The following AGAP1 variants were observed in gnomAD, a reference collection of about 807,000 sequenced individuals.
The protein encoded by AGAP1 is arf-GAP with GTPase, ANK repeat and PH domain-containing protein 1.
AGAP1 carries 29 observed loss-of-function variants against 105.3 expected under a neutral mutation model. The ratio of observed to expected loss-of-function variants is 0.28; its 90% CI spans 0.21 to 0.38. The LOEUF (loss-of-function observed/expected upper bound fraction) is 0.38. Among genes scored for constraint, AGAP1 ranks in the 10% least tolerant of loss-of-function variants. AGAP1 has a pLI of 1.00. For missense variants in AGAP1, 998 were observed against 1,165.1 expected (o/e 0.86, Z 2.09); for synonymous variants, 509 against 485.9 (o/e 1.05, Z -0.63).
intron 12 of AGAP1, among the ~76,000 whole-genome samples, chr2:235,955,746 T>C (rs1191452489): frequency 6.6e-6 from 1 of 152,166 alleles, no homozygotes; most frequent in African/African-American, 2.4e-5. Flanking sequence ...ACCAACACAC[T>C]TTTTCTAACC....
chr2:236,073,296 A>G lies in AGAP1; in HGVS notation c.2114+24015A>G, dbSNP rs2058554524. ...AGATGTGAGCCACCGTGCCTGGCCT[A>G]TATTCTTCTTTTATTCTGAGCCTTT... On this transcript the variant is annotated intron_variant, in intron 16 of 17. Transcript: ENST00000304032. The surrounding 1 kb of genome is among the most constrained non-coding windows in gnomAD (Gnocchi z 5.4). 6.6e-6 allele frequency among the ~76,000 whole-genome samples: 1 copy of G among 152,050 alleles called. No homozygotes were observed. Among genetic ancestry groups the G allele is most frequent in the South Asian group, 2.1e-4 (1 of 4,832 alleles).
chr2:235,498,659 G>GA (rs1941428545), intron 1 of AGAP1, among the ~76,000 whole-genome samples: 1 of 152,194 alleles, frequency 6.6e-6, no homozygotes, highest in Admixed American at 6.5e-5. Flanking sequence ...TCGTAATTCA[G>GA]CTTGCCAGCA....
rs1057038265 is a variant in AGAP1, at chr2:236,014,211, G to C, written c.1646-22350G>C. ...CCGTAACTCCCCCGAGTGTCAAAGA[G>C]AATAGACTCCTCCCTCCAGGACAGC... On this transcript the variant is annotated intron_variant, in intron 13 of 17. Transcript: ENST00000304032. This position sits in a 1 kb window ranked among gnomAD's most constrained non-coding sequence, Gnocchi z 6.3. 2.6e-5 allele frequency among the ~76,000 whole-genome samples: 4 copies of C among 152,200 alleles called. No individual in the cohort carries two copies. The highest frequency in any genetic ancestry group is 5.9e-5 in the Non-Finnish European group (4 of 68,034).
Position 235,882,193 on chromosome 2 carries a change from G to T in AGAP1, c.1051-1152G>T, listed in dbSNP as rs772664922. 1.3e-5 allele frequency among the ~76,000 whole-genome samples: 2 copies of T among 152,022 alleles called. No individual in the cohort carries two copies. The highest frequency in any genetic ancestry group is 2.4e-5 in the African/African-American group (1 of 41,402). ...GTCCTGGGGCAAACCAGAGAATTTG[G>T]CAATCTGATTGGGGGTGGTCCTTCA... On this transcript the variant is annotated intron_variant, in intron 9 of 17. Coordinates refer to ENST00000304032, the MANE Select transcript of AGAP1 (RefSeq NM_001037131.3). The surrounding 1 kb of genome is among the most constrained non-coding windows in gnomAD (Gnocchi z 4.6).
chr2:235,974,446 G>A (rs1190893708), intron 13 of AGAP1, among the ~76,000 whole-genome samples: 1 of 152,226 alleles, frequency 6.6e-6, no homozygotes, highest in Admixed American at 6.5e-5. Context: ...TATACAAGAG[G>A]GTATGCAGAA....
intron 6 of AGAP1, among the ~76,000 whole-genome samples, chr2:235,778,678 TG>T (rs907148738): frequency 9.2e-5 from 14 of 152,116 alleles, no homozygotes; most frequent in African/African-American, 3.4e-4. Context: ...GGGAAACTGG[TG>T]ATGATAGAGG....
At position 236,014,902 on chromosome 2, in the gene AGAP1, C is replaced by G. The variant is rs986147546; in HGVS notation, c.1646-21659C>G. On this transcript the variant is annotated intron_variant, in intron 13 of 17. Transcript: ENST00000304032. This position sits in a 1 kb window ranked among gnomAD's most constrained non-coding sequence, Gnocchi z 6.3. ...AAGGTAACGCCTCCGCACCTCCACC[C>G]GCCCACACCTCCACCTGCCTCTTCC... The G allele has an allele frequency of 1.3e-5, 5 of 393,108 alleles. No individual in the cohort carries two copies. The highest frequency in any genetic ancestry group is 2.7e-5 in the Non-Finnish European group (5 of 187,856). The allele number at this position is 393,108 out of a possible 1,614,324, so 24.4% of individuals were successfully genotyped here.
rs371508889 is a variant in AGAP1 at position 235,869,946 on chromosome 2, A to G, written c.1051-13399A>G. Among the ~76,000 whole-genome samples the G allele has an allele frequency of 5.9e-5, 9 of 152,354 alleles. No homozygotes were observed. The East Asian group carries it at 1.5e-3, about 26-fold the overall frequency. ...CCAGGGGTGTAAAGCAGGAGTTTCC[A>G]GGCCTCCTTCAGGCTTTGGCCAGGA... On this transcript the variant is annotated intron_variant, in intron 9 of 17. Coordinates refer to ENST00000304032, the MANE Select transcript of AGAP1 (RefSeq NM_001037131.3).
chr2:236,115,211 G>A (rs1235975860), intron 16 of AGAP1, among the ~76,000 whole-genome samples: 1 of 152,202 alleles, frequency 6.6e-6, no homozygotes, highest in Non-Finnish European at 1.5e-5. Context: ...TATCAGAGAG[G>A]TTGTTTTCTT....
intron 6 of AGAP1, among the ~76,000 whole-genome samples, chr2:235,765,859 A>G (rs987968715): frequency 1.3e-5 from 2 of 152,208 alleles, no homozygotes; most frequent in Admixed American, 6.5e-5. Context: ...CCAAGATTTC[A>G]TTATTCAATG....
At chr2:235,703,810 T>C (rs1272099222) in intron 1 of AGAP1, among the ~76,000 whole-genome samples, 1 of 152,164 alleles carries the variant, frequency 6.6e-6, no homozygotes, top group African/African-American at 2.4e-5. Context: ...TTGACGAGGC[T>C]AGTCTGGAAC....
intron 11 of AGAP1, among the ~76,000 whole-genome samples, chr2:235,926,727 C>T (rs1160060187): frequency 6.6e-6 from 1 of 152,208 alleles, no homozygotes; most frequent in East Asian, 1.9e-4. Context: ...TGAGCCTCCT[C>T]CTCCGCATAT....
chr2:235,710,662 C>T lies in AGAP1; in HGVS notation c.222+1425C>T, dbSNP rs749260931. 1.5e-4 allele frequency among the ~76,000 whole-genome samples: 23 copies of T among 152,204 alleles called. 1 individual carries two copies. The highest frequency in any genetic ancestry group is 2.8e-4 in the Non-Finnish European group (19 of 68,036). Reference sequence around the variant, plus strand: ...CTGTCTTTTGTGTGCTTTGTCACCGCGGCACTGGCAGGGTGTCTTAAGCCT... The same window carrying T: ...CTGTCTTTTGTGTGCTTTGTCACCGTGGCACTGGCAGGGTGTCTTAAGCCT... On this transcript the variant is annotated intron_variant, in intron 2 of 17. Transcript: ENST00000304032.
rs1413759760 is a variant in AGAP1 at position 235,971,739 on chromosome 2, T to C, written c.1645+3116T>C. Among the ~76,000 whole-genome samples, 1 of 141,594 alleles carries C rather than the reference T, an allele frequency of 7.1e-6. No individual in the cohort carries two copies. Among genetic ancestry groups the C allele is most frequent in the Non-Finnish European group, 1.5e-5 (1 of 66,846 alleles). The allele number at this position is 141,594 out of a possible 152,430, so 92.9% of individuals were successfully genotyped here. ...AAACTAAAGCTAGTTATATATGTTT[T>C]ATTTTATTTATTTATTTATTTATTT... is the stretch of plus-strand genomic sequence containing the variant. On this transcript the variant is annotated intron_variant, in intron 13 of 17. Coordinates refer to ENST00000304032, the MANE Select transcript of AGAP1 (RefSeq NM_001037131.3). This position sits in a 1 kb window ranked among gnomAD's most constrained non-coding sequence, Gnocchi z 4.8.
intron 1 of AGAP1, among the ~76,000 whole-genome samples, chr2:235,679,440 G>A (rs1363466695): frequency 1.3e-5 from 2 of 152,106 alleles, no homozygotes; most frequent in Non-Finnish European, 2.9e-5. Flanking sequence ...TGCTTTCACT[G>A]TTTTCCCCTG....
chr2:235,642,339 C>T lies in AGAP1; in HGVS notation c.164-66840C>T, dbSNP rs1338793858. On this transcript the variant is annotated intron_variant, in intron 1 of 17. Coordinates refer to ENST00000304032, the MANE Select transcript of AGAP1 (RefSeq NM_001037131.3). This position sits in a 1 kb window ranked among gnomAD's most constrained non-coding sequence, Gnocchi z 4.1. ...CCCTCTGCACTCAACCTCCTGGGAC[C>T]TGGGGCTGCACCCACTGGCATTGAT... Among the ~76,000 whole-genome samples, 1 of 152,216 alleles carries T rather than the reference C, an allele frequency of 6.6e-6. No individual in the cohort carries two copies. Among genetic ancestry groups the T allele is most frequent in the African/African-American group, 2.4e-5 (1 of 41,466 alleles).
At chr2:235,661,758 C>T (rs1947963809) in intron 1 of AGAP1, among the ~76,000 whole-genome samples, 1 of 152,176 alleles carries the variant, frequency 6.6e-6, no homozygotes, top group African/African-American at 2.4e-5. Context: ...ACAGATCCGC[C>T]TTTGGGGCAT....
At chr2:235,892,168 T>G (rs1488923620) in intron 10 of AGAP1, among the ~76,000 whole-genome samples, 1 of 150,580 alleles carries the variant, frequency 6.6e-6, no homozygotes, top group Non-Finnish European at 1.5e-5. Context: ...AAAAAAAAAG[T>G]CCTTCTTAGA....
At chr2:235,834,978 GGA>G (rs1644118093) in intron 9 of AGAP1, among the ~76,000 whole-genome samples, 2 of 152,154 alleles carry the variant, frequency 1.3e-5, no homozygotes, top group Admixed American at 1.3e-4. Flanking sequence ...TTCGTTAGTT[GGA>G]GTGGACAGGA....
Sources: gnomAD v4.1 joint callset for allele counts (sites outside exome capture counted in the v4.1 genomes callset) on GRCh38, gnomAD v4.1.1 for gene constraint, Gnocchi (gnomAD v3.1) non-coding constraint, MANE v1.5 for transcripts, NCBI Gene and HGNC (gene_info 2026-07-23, HGNC 2026-07-21) for gene names.